The following GHR variants were observed in gnomAD, a reference collection of about 807,000 sequenced individuals.
GHR encodes GH receptor.
A neutral mutation model predicts 67.1 loss-of-function variants in GHR; 35 were observed. That is an observed-to-expected ratio of 0.52 (90% CI 0.40 to 0.69). The LOEUF (loss-of-function observed/expected upper bound fraction) is 0.69. GHR is among the 30% of genes least tolerant of loss of function. The probability of loss-of-function intolerance (pLI) is 0.00; values close to 1 mark genes in which losing one functional copy is unlikely to be tolerated. For missense variants in GHR, 792 were observed against 764.6 expected, an observed-to-expected ratio of 1.04 and a Z score of -0.42; for synonymous variants, 272 against 269.1, an observed-to-expected ratio of 1.01 and a Z score of -0.10.
At chr5:42,429,077 C>CA (rs2111880933) in intron 1 of GHR, among the ~76,000 whole-genome samples, 1 of 152,290 alleles carries the variant, frequency 6.6e-6, no homozygotes, top group South Asian at 2.1e-4. Flanking sequence ...ATGCTGCTAA[C>CA]AAAGACATAC....
intron 1 of GHR, among the ~76,000 whole-genome samples, chr5:42,436,943 T>C (rs1743353028): frequency 6.6e-6 from 1 of 152,234 alleles, no homozygotes; most frequent in Non-Finnish European, 1.5e-5. Context: ...CTGAAATTTC[T>C]CTAACCTATA....
At chr5:42,663,560 A>G (rs947604950) in intron 3 of GHR, among the ~76,000 whole-genome samples, 2 of 152,136 alleles carry the variant, frequency 1.3e-5, no homozygotes, top group African/African-American at 4.8e-5. Context: ...CATGCTAAAA[A>G]CTCTCAATAA....
chr5:42,661,077 A>G (rs567731569), intron 3 of GHR, among the ~76,000 whole-genome samples: 2 of 152,020 alleles, frequency 1.3e-5, no homozygotes, highest in South Asian at 4.2e-4. Context: ...AAAAAGAAAC[A>G]AAGCCTCCAA....
At chr5:42,554,868 T>G (rs1027756116) in intron 1 of GHR, among the ~76,000 whole-genome samples, 3 of 152,234 alleles carry the variant, frequency 2.0e-5, no homozygotes, top group African/African-American at 7.2e-5. Context: ...TTTAACTTTT[T>G]TAATGCAGTT....
intron 3 of GHR, among the ~76,000 whole-genome samples, chr5:42,684,342 T>C (rs1188711379): frequency 6.6e-6 from 1 of 152,228 alleles, no homozygotes; most frequent in East Asian, 1.9e-4. Flanking sequence ...TCTAATCTAG[T>C]GCATTTCCTT....
At chr5:42,562,736 C>T (rs1364443500) in intron 1 of GHR, among the ~76,000 whole-genome samples, 1 of 149,982 alleles carries the variant, frequency 6.7e-6, no homozygotes, top group Non-Finnish European at 1.5e-5. Flanking sequence ...CTTCAACCTC[C>T]ACCTCCCTGG....
At chr5:42,561,388 T>A (rs1370998275) in intron 1 of GHR, among the ~76,000 whole-genome samples, 1 of 152,224 alleles carries the variant, frequency 6.6e-6, no homozygotes, top group African/African-American at 2.4e-5. Flanking sequence ...GAACTAGTAG[T>A]TTAACAAATA....
chr5:42,561,637 A>T (rs919980327), intron 1 of GHR, among the ~76,000 whole-genome samples: 1 of 152,174 alleles, frequency 6.6e-6, no homozygotes, highest in African/African-American at 2.4e-5. Context: ...CTGGTTTTGA[A>T]CTTGCTTTTT....
At chr5:42,550,858 C>T (rs538126656) in intron 1 of GHR, among the ~76,000 whole-genome samples, 1 of 152,256 alleles carries the variant, frequency 6.6e-6, no homozygotes, top group East Asian at 1.9e-4. Flanking sequence ...CCTTCCATAC[C>T]TTTCTGAAAT....
chr5:42,490,266 G>T (rs1746058507), intron 1 of GHR, among the ~76,000 whole-genome samples: 1 of 152,190 alleles, frequency 6.6e-6, no homozygotes, highest in African/African-American at 2.4e-5. Flanking sequence ...TTAGTAATGG[G>T]ATCACTAAAT....
At chr5:42,682,117 C>T (rs1756913497) in intron 3 of GHR, among the ~76,000 whole-genome samples, 1 of 152,092 alleles carries the variant, frequency 6.6e-6, no homozygotes, top group African/African-American at 2.4e-5. Context: ...ACGTCCTTTG[C>T]AGGGACATGG....
intron 1 of GHR, among the ~76,000 whole-genome samples, chr5:42,427,554 C>T (rs1261465359): frequency 6.6e-6 from 1 of 152,134 alleles, no homozygotes; most frequent in African/African-American, 2.4e-5. Context: ...AAAGCCAAAC[C>T]ATATCATTCC....
At chr5:42,544,735 G>A (rs898019820) in intron 1 of GHR, among the ~76,000 whole-genome samples, 2 of 152,024 alleles carry the variant, frequency 1.3e-5, no homozygotes, top group African/African-American at 2.4e-5. Context: ...TCCATATAAG[G>A]AAACCGTTCA....
chr5:42,570,940 A>T (rs1750267683), intron 2 of GHR, among the ~76,000 whole-genome samples: 1 of 152,202 alleles, frequency 6.6e-6, no homozygotes, highest in Non-Finnish European at 1.5e-5. Context: ...TGTGACAGGG[A>T]TGATAAAAAA....
chr5:42,476,976 C>T (rs1745356790), intron 1 of GHR, among the ~76,000 whole-genome samples: 2 of 151,822 alleles, frequency 1.3e-5, no homozygotes, highest in South Asian at 2.1e-4. Context: ...TGGTGTGCTG[C>T]ACCCATTAAC....
At chr5:42,522,663 G>A (rs1747528185) in intron 1 of GHR, among the ~76,000 whole-genome samples, 1 of 152,114 alleles carries the variant, frequency 6.6e-6, no homozygotes, top group Admixed American at 6.6e-5. Flanking sequence ...ACTCATCACT[G>A]TTCTCTGCTT....
At chr5:42,433,903 C>G (rs1363306408) in intron 1 of GHR, among the ~76,000 whole-genome samples, 2 of 151,866 alleles carry the variant, frequency 1.3e-5, no homozygotes, top group African/African-American at 4.8e-5. Context: ...GGAAGCTCTT[C>G]CCATTGCTTA....
intron 1 of GHR, among the ~76,000 whole-genome samples, chr5:42,453,949 T>G (rs1744154140): frequency 2.6e-5 from 4 of 152,252 alleles, no homozygotes; most frequent in African/African-American, 9.6e-5. Flanking sequence ...CAGAAAGATC[T>G]GAAACTCCTA....
At chr5:42,476,300 A>C (rs183463269) in intron 1 of GHR, among the ~76,000 whole-genome samples, 8 of 151,328 alleles carry the variant, frequency 5.3e-5, no homozygotes, top group African/African-American at 1.7e-4. Flanking sequence ...GGCTCACTGC[A>C]ACCTCCGCTC....
Sources: gnomAD v4.1 joint callset for allele counts (sites outside exome capture counted in the v4.1 genomes callset) on GRCh38, gnomAD v4.1.1 for gene constraint, MANE v1.5 for transcripts, NCBI Gene and HGNC (gene_info 2026-07-23, HGNC 2026-07-21) for gene names.